The following ADGRL2 variants were observed in gnomAD, a reference collection of about 807,000 sequenced individuals.
The protein encoded by ADGRL2 is calcium-independent alpha-latrotoxin receptor 2.
Under a neutral mutation model 157.4 loss-of-function variants are expected in ADGRL2, and 44 were observed. That is an observed-to-expected ratio of 0.28 (90% confidence interval 0.22 to 0.36). The LOEUF (loss-of-function observed/expected upper bound fraction) is 0.36, where lower values mean the gene tolerates loss of function less well. ADGRL2 is among the 10% of genes least tolerant of loss of function. ADGRL2 has a pLI of 1.00. For synonymous variants in ADGRL2, 585 were observed against 624.7 expected (o/e 0.94, Z 0.95); for missense variants, 1,510 against 1,768.9 (o/e 0.85, Z 2.63).
At chr1:81,709,471 A>G (rs1250919809) in intron 1 of ADGRL2, among the ~76,000 whole-genome samples, 15 of 152,270 alleles carry the variant, frequency 9.9e-5, no homozygotes, top group Admixed American at 8.5e-4. Context: ...TATCAAGAAG[A>G]TATTTTCTCT....
At chr1:81,811,698 T>G (rs1476498773) in intron 1 of ADGRL2, among the ~76,000 whole-genome samples, 2 of 151,772 alleles carry the variant, frequency 1.3e-5, no homozygotes, top group Non-Finnish European at 2.9e-5. Flanking sequence ...AAATAGATTT[T>G]TCATAAATAC....
intron 1 of ADGRL2, among the ~76,000 whole-genome samples, chr1:81,314,544 A>AG (rs1358813171): frequency 6.6e-6 from 1 of 152,180 alleles, no homozygotes; most frequent in Non-Finnish European, 1.5e-5. Flanking sequence ...GAGAATCAGG[A>AG]GGTAGGTCTG....
At chr1:81,340,360 A>G (rs1180275573) in intron 1 of ADGRL2, among the ~76,000 whole-genome samples, 1 of 152,170 alleles carries the variant, frequency 6.6e-6, no homozygotes, top group Non-Finnish European at 1.5e-5. Context: ...TGCTTTTTGA[A>G]GAGTCAAAAT....
chr1:81,871,395 A>T (rs1571821270), intron 2 of ADGRL2, among the ~76,000 whole-genome samples: 1 of 152,146 alleles, frequency 6.6e-6, no homozygotes, highest in South Asian at 2.1e-4. Flanking sequence ...CAATAAACAT[A>T]TGTATGCATG....
At chr1:81,814,957 AAC>A (rs1199409348) in intron 1 of ADGRL2, among the ~76,000 whole-genome samples, 5 of 151,752 alleles carry the variant, frequency 3.3e-5, no homozygotes, top group African/African-American at 1.2e-4. Flanking sequence ...TTTAAAAATA[AAC>A]ACAACATCTA....
intron 1 of ADGRL2, among the ~76,000 whole-genome samples, chr1:81,710,392 G>A (rs1421440442): frequency 6.6e-6 from 1 of 151,974 alleles, no homozygotes; most frequent in Non-Finnish European, 1.5e-5. Context: ...TGGGAGGCGG[G>A]CAGATCACTT....
chr1:81,733,905 A>G (rs2084809270), intron 1 of ADGRL2, among the ~76,000 whole-genome samples: 1 of 152,168 alleles, frequency 6.6e-6, no homozygotes, highest in African/African-American at 2.4e-5. Context: ...TACCTGGGTG[A>G]TGAAATAATT....
chr1:81,457,177 T>G (rs2077824699), intron 2 of ADGRL2, among the ~76,000 whole-genome samples: 1 of 152,250 alleles, frequency 6.6e-6, no homozygotes, highest in Admixed American at 6.5e-5. Context: ...GCTGACAAAT[T>G]TCTTTTTTTC....
At chr1:81,533,247 T>C (rs2079649233) in intron 2 of ADGRL2, among the ~76,000 whole-genome samples, 1 of 151,622 alleles carries the variant, frequency 6.6e-6, no homozygotes, top group Non-Finnish European at 1.5e-5. Flanking sequence ...GCTGTGGTGA[T>C]GCACGCCTGT....
At chr1:81,602,296 T>C (rs2081347813) in intron 3 of ADGRL2, among the ~76,000 whole-genome samples, 2 of 150,574 alleles carry the variant, frequency 1.3e-5, no homozygotes, top group African/African-American at 4.9e-5. Context: ...CCTGTCTCTA[T>C]TAAAAATACA....
intron 6 of ADGRL2, among the ~76,000 whole-genome samples, chr1:81,945,446 G>A (rs1298372876): frequency 6.6e-6 from 1 of 152,030 alleles, no homozygotes; most frequent in African/African-American, 2.4e-5. Flanking sequence ...TTTACAAATT[G>A]CAAATTCATA....
intron 1 of ADGRL2, among the ~76,000 whole-genome samples, chr1:81,723,835 T>G (rs1329565326): frequency 1.3e-5 from 2 of 152,162 alleles, no homozygotes; most frequent in Non-Finnish European, 2.9e-5. Context: ...GATTTTTTTT[T>G]GTAATGCTGC....
At chr1:81,654,489 C>T (rs1469823792) in intron 3 of ADGRL2, among the ~76,000 whole-genome samples, 1 of 152,146 alleles carries the variant, frequency 6.6e-6, no homozygotes, top group African/African-American at 2.4e-5. Flanking sequence ...AAGCCCATAC[C>T]TCCTAAAAGA....
rs1196626104 is a variant in ADGRL2 at position 81,436,091 on chromosome 1, A to G, written c.-301-8945A>G. On this transcript the variant is annotated intron_variant, in intron 1 of 24. Coordinates refer to the ADGRL2 transcript ENST00000370721. ...ACCTGGGCAATAAGAGCGAAACTCC[A>G]TCTCAAAAAAATAAAAAAGAATCAT... Among the ~76,000 whole-genome samples the G allele has an allele frequency of 3.9e-5, 6 of 152,330 alleles. No individual in the cohort carries two copies. The East Asian group carries it at 1.2e-3, about 29-fold the overall frequency.
chr1:81,371,160 C>G (rs67973336), intron 1 of ADGRL2, among the ~76,000 whole-genome samples: 6,830 of 152,260 alleles, frequency 0.045, 251 homozygotes, highest in African/African-American at 0.092. Context: ...TCCACAGAAC[C>G]ATTACATTAG....
At chr1:81,810,764 A>ATC (rs2089764481) in intron 1 of ADGRL2, among the ~76,000 whole-genome samples, 1 of 151,920 alleles carries the variant, frequency 6.6e-6, no homozygotes, top group South Asian at 2.1e-4. Context: ...AAAATAATAC[A>ATC]TCTCTCCAAT....
intron 1 of ADGRL2, among the ~76,000 whole-genome samples, chr1:81,807,691 G>A (rs1371332400): frequency 6.6e-6 from 1 of 151,782 alleles, no homozygotes; most frequent in Non-Finnish European, 1.5e-5. Flanking sequence ...TTTTACTCAG[G>A]ACTTTAATTT....
At chr1:81,356,434 T>C (rs1663294174) in intron 1 of ADGRL2, among the ~76,000 whole-genome samples, 1 of 152,098 alleles carries the variant, frequency 6.6e-6, no homozygotes, top group Non-Finnish European at 1.5e-5. Flanking sequence ...CATTACTAAG[T>C]CTGAAACTAA....
chr1:81,807,552 A>C (rs1431910774), intron 1 of ADGRL2, among the ~76,000 whole-genome samples: 1 of 151,988 alleles, frequency 6.6e-6, no homozygotes, highest in Non-Finnish European at 1.5e-5. Flanking sequence ...TTAATGCTTT[A>C]AGAAAAAGCT....
Sources: gnomAD v4.1 joint callset for allele counts (sites outside exome capture counted in the v4.1 genomes callset) on GRCh38, gnomAD v4.1.1 for gene constraint, MANE v1.5 for transcripts, NCBI Gene and HGNC (gene_info 2026-07-23, HGNC 2026-07-21) for gene names.